The following STT3B variants were observed in gnomAD, a reference collection of about 807,000 sequenced individuals.
The protein encoded by STT3B is STT3 oligosaccharyltransferase complex catalytic subunit B.
STT3B carries 29 observed loss-of-function variants against 96.8 expected under a neutral mutation model. The ratio of observed to expected loss-of-function variants is 0.30; its 90% CI spans 0.22 to 0.41. STT3B has a LOEUF of 0.41. Among genes scored for constraint, STT3B ranks in the 10% least tolerant of loss-of-function variants. The probability of loss-of-function intolerance (pLI) is 1.00; values close to 1 mark genes in which losing one functional copy is unlikely to be tolerated. For missense variants in STT3B, 640 were observed against 1,022.3 expected (o/e 0.63, Z 5.10); for synonymous variants, 367 against 360.0 (o/e 1.02, Z -0.22).
chr3:31,625,680 C>T (rs898457398), intron 12 of STT3B, among the ~76,000 whole-genome samples: 4 of 152,130 alleles, frequency 2.6e-5, no homozygotes, highest in African/African-American at 9.7e-5. Context: ...TCTAAGCTTG[C>T]CTGCTTTCAT....
At chr3:31,634,850 C>G (rs1253746584) in intron 15 of STT3B, among the ~76,000 whole-genome samples, 1 of 152,120 alleles carries the variant, frequency 6.6e-6, no homozygotes, top group Non-Finnish European at 1.5e-5. Context: ...ACTACTAGAT[C>G]TGGTTTGAAT....
chr3:31,555,401 A>G (rs907891575), intron 1 of STT3B, among the ~76,000 whole-genome samples: 2 of 152,138 alleles, frequency 1.3e-5, no homozygotes, highest in Non-Finnish European at 2.9e-5. Context: ...ATGAGTCTGC[A>G]TTTTGATATC....
chr3:31,557,021 T>C (rs1342541700), intron 1 of STT3B, among the ~76,000 whole-genome samples: 1 of 152,208 alleles, frequency 6.6e-6, no homozygotes, highest in African/African-American at 2.4e-5. Context: ...TTTGGGATCT[T>C]ATGTTTAAGC....
At chr3:31,616,792 G>T in intron 6 of STT3B, 137 bp from the exon 7 acceptor site, 1 of 690,100 alleles carries the variant, frequency 1.4e-6, no homozygotes. Flanking sequence ...ATTTGACAAA[G>T]GAAATGTTGG....
intron 1 of STT3B, among the ~76,000 whole-genome samples, chr3:31,549,133 A>G (rs1233344885): frequency 6.6e-6 from 1 of 152,306 alleles, no homozygotes; most frequent in Non-Finnish European, 1.5e-5. Flanking sequence ...GCCTAAGGCT[A>G]AGTAACTTTA....
intron 1 of STT3B, among the ~76,000 whole-genome samples, chr3:31,559,408 T>C (rs1179542282): frequency 2.0e-5 from 3 of 151,868 alleles, no homozygotes; most frequent in Non-Finnish European, 4.4e-5. Context: ...AGATTTTTGT[T>C]TGTTCCAAGA....
chr3:31,594,718 C>T (rs1257298604), intron 3 of STT3B, among the ~76,000 whole-genome samples: 3 of 152,192 alleles, frequency 2.0e-5, no homozygotes, highest in Non-Finnish European at 1.5e-5. Context: ...CTGGGCCCAG[C>T]CCCCCTTCAC....
At chr3:31,627,449 C>T (rs1402708653) in intron 13 of STT3B, among the ~76,000 whole-genome samples, 2 of 152,120 alleles carry the variant, frequency 1.3e-5, no homozygotes, top group African/African-American at 2.4e-5. Flanking sequence ...GGTTGGGAAC[C>T]ACTGCTTTTT....
intron 12 of STT3B, among the ~76,000 whole-genome samples, 169 bp downstream of exon 12, chr3:31,625,254 G>GT (rs1006312302): frequency 6.6e-6 from 1 of 152,096 alleles, no homozygotes; most frequent in Non-Finnish European, 1.5e-5. Context: ...TGCTTATTTT[G>GT]TTTTTAAGAA....
At chr3:31,538,570 TTA>T (rs1443543370) in intron 1 of STT3B, among the ~76,000 whole-genome samples, 2 of 152,184 alleles carry the variant, frequency 1.3e-5, no homozygotes, top group Admixed American at 6.5e-5. Flanking sequence ...TAGAAGGCTT[TTA>T]TAGGTCAGCC....
intron 1 of STT3B, among the ~76,000 whole-genome samples, chr3:31,563,091 A>AG (rs1306698454): frequency 3.3e-5 from 5 of 152,162 alleles, no homozygotes; most frequent in African/African-American, 1.2e-4. Flanking sequence ...CCAGCCGAAC[A>AG]GGCTTGTTTC....
At chr3:31,552,720 G>A (rs1434304958) in intron 1 of STT3B, among the ~76,000 whole-genome samples, 2 of 152,012 alleles carry the variant, frequency 1.3e-5, no homozygotes, top group Non-Finnish European at 2.9e-5. Context: ...AGCCATCCAC[G>A]AGTCCTTTGG....
At chr3:31,542,715 T>G (rs1697309999) in intron 1 of STT3B, among the ~76,000 whole-genome samples, 1 of 152,188 alleles carries the variant, frequency 6.6e-6, no homozygotes, top group Non-Finnish European at 1.5e-5. Flanking sequence ...ACGCCTCTAG[T>G]GTATTTCTTG....
intron 9 of STT3B, 52 bp from the exon 10 acceptor site, chr3:31,622,045 T>G: frequency 6.7e-7 from 1 of 1,487,818 alleles, no homozygotes; most frequent in South Asian, 1.1e-5. Context: ...CTAGTTCAGT[T>G]TCCTGGGAAC....
At chr3:31,616,802 G>A (rs549869667) in intron 6 of STT3B, 127 bp from the exon 7 acceptor site, 10 of 718,396 alleles carry the variant, frequency 1.4e-5, no homozygotes, top group Non-Finnish European at 2.1e-5. Flanking sequence ...GGAAATGTTG[G>A]CTAGATGAAA....
intron 13 of STT3B, 26 bp from the exon 14 acceptor site, chr3:31,629,270 CAT>C (rs1394299013): frequency 8.0e-7 from 1 of 1,253,544 alleles, no homozygotes. Flanking sequence ...CTTGAACTAA[CAT>C]AGAACTTGTG....
intron 3 of STT3B, among the ~76,000 whole-genome samples, chr3:31,587,697 A>G (rs945156341): frequency 1.3e-5 from 2 of 152,138 alleles, no homozygotes; most frequent in African/African-American, 2.4e-5. Flanking sequence ...ATTTCTGTCT[A>G]TGATGAATAA....
intron 1 of STT3B, among the ~76,000 whole-genome samples, chr3:31,557,270 T>G (rs1289713289): frequency 6.6e-6 from 1 of 152,192 alleles, no homozygotes; most frequent in Non-Finnish European, 1.5e-5. Context: ...ACCATGCTGT[T>G]TGGGTTACTG....
intron 2 of STT3B, among the ~76,000 whole-genome samples, chr3:31,577,485 C>T (rs1318730358): frequency 2.0e-5 from 3 of 151,916 alleles, no homozygotes; most frequent in Non-Finnish European, 4.4e-5. Flanking sequence ...AGGGGATTAC[C>T]CAGTTATGTT....
Sources: allele counts gnomAD v4.1 joint callset (sites outside exome capture counted in the v4.1 genomes callset), GRCh38; gene constraint gnomAD v4.1.1; transcripts MANE v1.5; gene names NCBI Gene and HGNC (gene_info 2026-07-23, HGNC 2026-07-21).